The following ANKS1B variants were observed in gnomAD, a reference collection of about 807,000 sequenced individuals.
ANKS1B encodes the protein ankyrin repeat and sterile alpha motif domain containing 1B.
A neutral mutation model predicts 148.3 loss-of-function variants in ANKS1B; 36 were observed. The observed-to-expected ratio is 0.24, with a 90% CI of 0.19 to 0.32. The LOEUF (loss-of-function observed/expected upper bound fraction) is 0.32, where lower values mean the gene tolerates loss of function less well. ANKS1B is among the 10% of genes least tolerant of loss of function. ANKS1B has a pLI of 1.00. For synonymous variants in ANKS1B, 542 were observed against 560.8 expected (o/e 0.97, Z 0.47); for missense variants, 1,157 against 1,542.6 (o/e 0.75, Z 4.19).
At chr12:98,747,230 A>G (rs73149018) in intron 26 of ANKS1B, among the ~76,000 whole-genome samples, 15,145 of 152,226 alleles carry the variant, frequency 0.099, 851 homozygotes, top group Middle Eastern at 0.19. Flanking sequence ...GCAAAAAACA[A>G]AAATAAAAAA....
At chr12:99,673,147 G>A (rs993678255) in intron 8 of ANKS1B, among the ~76,000 whole-genome samples, 16 of 151,854 alleles carry the variant, frequency 1.1e-4, no homozygotes, top group Non-Finnish European at 2.1e-4. Context: ...GAATACAAAC[G>A]AAATAATCAA....
chr12:99,521,997 T>C (rs550024537), intron 9 of ANKS1B, among the ~76,000 whole-genome samples: 1 of 152,268 alleles, frequency 6.6e-6, no homozygotes, highest in East Asian at 1.9e-4. Flanking sequence ...CCTGGGTGGG[T>C]CCAGAAATGC....
intron 1 of ANKS1B, among the ~76,000 whole-genome samples, chr12:99,866,447 T>C (rs1474282218): frequency 1.3e-5 from 2 of 152,182 alleles, no homozygotes; most frequent in Non-Finnish European, 1.5e-5. Flanking sequence ...CACTGTTTCC[T>C]GCCACGCTTC....
chr12:98,779,453 CA>C (rs2098712667), intron 24 of ANKS1B, among the ~76,000 whole-genome samples: 1 of 152,144 alleles, frequency 6.6e-6, no homozygotes, highest in South Asian at 2.1e-4. Flanking sequence ...CTTCTCAGGG[CA>C]AATACCACTT....
intron 17 of ANKS1B, among the ~76,000 whole-genome samples, chr12:98,984,187 G>A (rs1402133503): frequency 6.6e-6 from 1 of 152,188 alleles, no homozygotes; most frequent in Non-Finnish European, 1.5e-5. Context: ...GAGGTCCTCT[G>A]GTTTAACTGA....
chr12:99,536,000 G>A (rs914090719), intron 9 of ANKS1B, among the ~76,000 whole-genome samples: 5 of 152,228 alleles, frequency 3.3e-5, no homozygotes, highest in East Asian at 3.9e-4. Context: ...ACTAGAGGGC[G>A]TTAAATGGGT....
intron 14 of ANKS1B, among the ~76,000 whole-genome samples, chr12:99,187,359 T>C (rs1454689798): frequency 1.3e-5 from 2 of 151,952 alleles, no homozygotes; most frequent in Non-Finnish European, 1.5e-5. Flanking sequence ...TACTCCTTCA[T>C]GAGAAGAACA....
rs183032281 is a variant in ANKS1B, at chr12:98,963,279, A to G, written c.2778+89878T>C. ...ACTACAACCTGAACCTCCTGGGTTC[A>G]AGCAATTCTCATGTCTCAGCCTCCT... On this transcript the variant is annotated intron_variant, in intron 17 of 26. Transcript: ENST00000683438. 4.3e-4 allele frequency among the ~76,000 whole-genome samples: 65 copies of G among 151,852 alleles called. 1 individual carries two copies. The East Asian group carries it at 0.012, about 27-fold the overall frequency.
intron 1 of ANKS1B, among the ~76,000 whole-genome samples, chr12:99,931,675 A>T (rs543530795): frequency 3.7e-4 from 56 of 152,164 alleles, no homozygotes; most frequent in Non-Finnish European, 6.9e-4. Flanking sequence ...GTATGTATTT[A>T]TGGGGTACAT....
At chr12:99,055,723 G>C (rs900392429) in intron 16 of ANKS1B, among the ~76,000 whole-genome samples, 10 of 149,598 alleles carry the variant, frequency 6.7e-5, no homozygotes, top group African/African-American at 1.5e-4. Context: ...TCTAAACTTG[G>C]GGGGGGGGGA....
intron 3 of ANKS1B, 133 bp from the exon 4 acceptor site, chr12:99,806,833 A>C: frequency 1.1e-6 from 1 of 898,844 alleles, no homozygotes; most frequent in Non-Finnish European, 1.6e-6. Flanking sequence ...AGTATGCCTA[A>C]TGGAATTTTA....
intron 15 of ANKS1B, among the ~76,000 whole-genome samples, chr12:99,122,371 T>C (rs2063113587): frequency 6.6e-6 from 1 of 152,204 alleles, no homozygotes; most frequent in South Asian, 2.1e-4. Flanking sequence ...ATTAGGACTA[T>C]TTGATTTGCT....
chr12:99,422,614 A>G (rs2095123760), intron 11 of ANKS1B, among the ~76,000 whole-genome samples: 1 of 152,218 alleles, frequency 6.6e-6, no homozygotes, highest in African/African-American at 2.4e-5. Context: ...ACAGCAGGAA[A>G]AGATACAGAC....
At chr12:99,640,866 G>A (rs1291319055) in intron 9 of ANKS1B, among the ~76,000 whole-genome samples, 2 of 152,118 alleles carry the variant, frequency 1.3e-5, no homozygotes, top group African/African-American at 4.8e-5. Context: ...GAGTCATTAC[G>A]ACTTTTTACA....
rs2099063835 is a variant in ANKS1B at position 98,807,958 on chromosome 12, A to G, written c.3067-40T>C. ...AAACTATCTTATCTTGTCAATATTT[A>G]AAACATGGCAGCTACCAAGGTAGCA... On this transcript the variant is annotated intron_variant, in intron 19 of 26. Coordinates refer to ENST00000683438, the MANE Select transcript of ANKS1B (RefSeq NM_001352186.2). The G allele has an allele frequency of 2.0e-6, 3 of 1,504,032 alleles. No homozygotes were observed. In the East Asian group the frequency reaches 6.8e-5, roughly 34 times the overall value. The allele number at this position is 1,504,032 out of a possible 1,614,324, so 93.2% of individuals were successfully genotyped here.
intron 15 of ANKS1B, among the ~76,000 whole-genome samples, chr12:99,092,718 G>A (rs1178628697): frequency 6.6e-6 from 1 of 152,128 alleles, no homozygotes; most frequent in African/African-American, 2.4e-5. Context: ...AAAAGGAAGG[G>A]CTCCTCTGCA....
intron 16 of ANKS1B, among the ~76,000 whole-genome samples, chr12:99,071,415 C>A (rs565838923): frequency 2.0e-5 from 3 of 152,148 alleles, no homozygotes; most frequent in Non-Finnish European, 4.4e-5. Context: ...TTCAAAATGG[C>A]GAATATGCTG....
intron 17 of ANKS1B, among the ~76,000 whole-genome samples, chr12:98,998,550 T>A (rs930687253): frequency 1.3e-5 from 2 of 152,234 alleles, no homozygotes; most frequent in Non-Finnish European, 2.9e-5. Flanking sequence ...ATGAGGGACA[T>A]TGACAAATGA....
rs1244607018 is a variant in ANKS1B, at chr12:99,122,957, G to A, written c.2526+31332C>T. On this transcript the variant is annotated intron_variant, in intron 15 of 26. Transcript: ENST00000683438. ...GAATGTCTGCCATGTGCCAGGTTCT[G>A]TTCTAGGAGCTAGAAATAAATCAGT... Among the ~76,000 whole-genome samples the A allele has an allele frequency of 3.4e-5, 5 of 145,354 alleles. No homozygotes were observed. The Admixed American group carries it at 3.5e-4, about 10-fold the overall frequency.
Sources: allele counts gnomAD v4.1 joint callset (sites outside exome capture counted in the v4.1 genomes callset), GRCh38; gene constraint gnomAD v4.1.1; transcripts MANE v1.5; gene names NCBI Gene and HGNC (gene_info 2026-07-23, HGNC 2026-07-21).